Variants in ITPR1 observed in about 807,000 individuals in gnomAD.
ITPR1 encodes the protein inositol 1,4,5-trisphosphate receptor type 1.
In ITPR1, 96 loss-of-function variants were observed where a neutral mutation model predicts 318.4. The ratio of observed to expected loss-of-function variants is 0.30; its 90% CI spans 0.26 to 0.36. The LOEUF is 0.36. Among genes scored for constraint, ITPR1 ranks in the 10% least tolerant of loss-of-function variants. The pLI is 1.00. For missense variants in ITPR1, 2,440 were observed against 3,460.2 expected, an observed-to-expected ratio of 0.71 and a Z score of 7.40; for synonymous variants, 1,312 against 1,289.9, an observed-to-expected ratio of 1.02 and a Z score of -0.37.
At chr3:4,700,019 G>C in intron 35 of ITPR1, 78 bp downstream of exon 35, 3 of 1,359,462 alleles carry the variant, frequency 2.2e-6, no homozygotes, top group Non-Finnish European at 3.1e-6. Flanking sequence ...TTGGGAGTAA[G>C]CAATTGTAAA....
chr3:4,794,504 G>C (rs890693101), intron 52 of ITPR1, among the ~76,000 whole-genome samples: 1 of 152,196 alleles, frequency 6.6e-6, no homozygotes, highest in Admixed American at 6.5e-5. Flanking sequence ...GCCGGGAAAG[G>C]AATCATTGTC....
At chr3:4,795,228 C>A in intron 53 of ITPR1, 41 bp downstream of exon 53, 1 of 1,595,548 alleles carries the variant, frequency 6.3e-7, no homozygotes. Flanking sequence ...TTAGAAGCAG[C>A]AGGAAGGCTA....
chr3:4,662,919 G>T, intron 15 of ITPR1, 146 bp from the exon 16 acceptor site: 1 of 603,828 alleles, frequency 1.7e-6, no homozygotes, highest in South Asian at 2.5e-5. Flanking sequence ...TTGATACTTG[G>T]CTTCTGTTGT....
chr3:4,675,726 C>T (rs115681377), intron 23 of ITPR1, among the ~76,000 whole-genome samples: 1,528 of 152,190 alleles, frequency 0.01, 23 homozygotes, highest in African/African-American at 0.028. Context: ...GACAATCTGC[C>T]TTTGCATGTT....
At chr3:4,689,106 C>T (rs1356353484) in intron 31 of ITPR1, among the ~76,000 whole-genome samples, 6 of 152,142 alleles carry the variant, frequency 3.9e-5, no homozygotes, top group Admixed American at 3.9e-4. Context: ...TATGCATTGT[C>T]TTGTGTTCTG....
rs182554966 is a variant in ITPR1 at position 4,728,947 on chromosome 3, G to A, written c.5220+1774G>A. Among the ~76,000 whole-genome samples the A allele has an allele frequency of 3.3e-5, 5 of 152,322 alleles. No individual in the cohort carries two copies. The East Asian group carries it at 9.6e-4, about 29-fold the overall frequency. The stretch of plus-strand genomic sequence containing the variant: ...ATTTCATCCGAATTCGGGACATGAG[G>A]CTATAGCCCTTCTTCTCCAGCTTCC... On this transcript the variant is annotated intron_variant, in intron 42 of 61. Transcript: ENST00000649015.
intron 4 of ITPR1, among the ~76,000 whole-genome samples, chr3:4,531,741 G>C (rs2083432415): frequency 6.6e-6 from 1 of 152,148 alleles, no homozygotes; most frequent in Admixed American, 6.5e-5. Context: ...TATCTCTGTT[G>C]TTCCTTCCTG....
chr3:4,534,879 A>G (rs1477306678), intron 4 of ITPR1, among the ~76,000 whole-genome samples: 1 of 152,172 alleles, frequency 6.6e-6, no homozygotes, highest in African/African-American at 2.4e-5. Context: ...GAATAACCCA[A>G]CTTAGGTTTA....
At chr3:4,715,222 A>G (rs1196416418) in intron 39 of ITPR1, among the ~76,000 whole-genome samples, 1 of 152,220 alleles carries the variant, frequency 6.6e-6, no homozygotes, top group Non-Finnish European at 1.5e-5. Context: ...ATTATCAGTG[A>G]ACAGATGGAC....
chr3:4,707,450 C>G (rs938738121), intron 37 of ITPR1, among the ~76,000 whole-genome samples: 1 of 152,166 alleles, frequency 6.6e-6, no homozygotes, highest in African/African-American at 2.4e-5. Flanking sequence ...CACATCATGG[C>G]GGCTGTGTCC....
chr3:4,719,176 A>G (rs1402410591), intron 40 of ITPR1, among the ~76,000 whole-genome samples: 3 of 152,168 alleles, frequency 2.0e-5, no homozygotes, highest in Admixed American at 2.0e-4. Context: ...TCTAGGAAAT[A>G]GAATACTGTC....
chr3:4,562,276 C>A (rs1012106058), intron 4 of ITPR1, among the ~76,000 whole-genome samples: 1 of 152,108 alleles, frequency 6.6e-6, no homozygotes, highest in Non-Finnish European at 1.5e-5. Flanking sequence ...TTCTCAATTT[C>A]TATTTTTTCT....
chr3:4,721,782 G>A (rs968148550), intron 40 of ITPR1, among the ~76,000 whole-genome samples: 2 of 152,164 alleles, frequency 1.3e-5, no homozygotes, highest in Admixed American at 6.5e-5. Context: ...ACTGCTGAGG[G>A]CAGTAGAAAA....
intron 3 of ITPR1, among the ~76,000 whole-genome samples, chr3:4,516,948 G>A (rs2082214094): frequency 6.6e-6 from 1 of 152,156 alleles, no homozygotes; most frequent in South Asian, 2.1e-4. Context: ...TTTTAGTTTT[G>A]TAAAGGCTCT....
At chr3:4,625,536 T>C (rs2092794466) in intron 4 of ITPR1, among the ~76,000 whole-genome samples, 1 of 152,100 alleles carries the variant, frequency 6.6e-6, no homozygotes, top group Non-Finnish European at 1.5e-5. Context: ...AATATCAGTA[T>C]CCACTTCAAG....
intron 6 of ITPR1, among the ~76,000 whole-genome samples, chr3:4,641,852 A>C (rs533185425): frequency 2.6e-5 from 4 of 152,328 alleles, no homozygotes; most frequent in African/African-American, 9.6e-5. Flanking sequence ...CATCTTGTCC[A>C]AGGCTTTGCT....
At chr3:4,500,284 C>A (rs2080920913) in intron 2 of ITPR1, among the ~76,000 whole-genome samples, 1 of 152,226 alleles carries the variant, frequency 6.6e-6, no homozygotes, top group African/African-American at 2.4e-5. Flanking sequence ...ACTGCAACTT[C>A]TGCCTCTTGG....
chr3:4,829,482 TTAAAAAG>T (rs1178446923), intron 60 of ITPR1, among the ~76,000 whole-genome samples: 3 of 152,080 alleles, frequency 2.0e-5, no homozygotes, highest in African/African-American at 7.2e-5. Flanking sequence ...AGAAAAAAAA[TTAAAAAG>T]AATAAAAGGA....
chr3:4,787,230 A>T (rs1475279141), intron 51 of ITPR1, among the ~76,000 whole-genome samples: 1 of 151,342 alleles, frequency 6.6e-6, no homozygotes, highest in Admixed American at 6.6e-5. Flanking sequence ...ATCCAGATAA[A>T]AGTTGGTCAC....
Sources: gnomAD v4.1 joint callset for allele counts (sites outside exome capture counted in the v4.1 genomes callset) on GRCh38, gnomAD v4.1.1 for gene constraint, MANE v1.5 for transcripts, NCBI Gene and HGNC (gene_info 2026-07-23, HGNC 2026-07-21) for gene names.